The following AUTS2 variants were observed in gnomAD, a reference collection of about 807,000 sequenced individuals.
AUTS2 encodes the protein autism susceptibility gene 2 protein.
A neutral mutation model predicts 112.4 loss-of-function variants in AUTS2; 17 were observed. That is an observed-to-expected ratio of 0.15 (90% CI 0.10 to 0.23). The LOEUF is 0.23. Among genes scored for constraint, AUTS2 ranks in the 10% least tolerant of loss-of-function variants. The pLI, the probability that AUTS2 is intolerant of heterozygous loss-of-function variation, is 1.00. For synonymous variants in AUTS2, 751 were observed against 702.7 expected (o/e 1.07, Z -1.09); for missense variants, 1,510 against 1,701.6 (o/e 0.89, Z 1.98).
At position 70,618,213 on chromosome 7, in the gene AUTS2, G is replaced by A. The variant is rs112981427; in HGVS notation, c.691-80356G>A. ...GTCTGGTGACTGCTGCGCTGGTCCC[G>A]TGAGACCTGTAGAGAGGCCAAGTGG... On this transcript the variant is annotated intron_variant, in intron 5 of 18. Coordinates refer to ENST00000342771, the MANE Select transcript of AUTS2 (RefSeq NM_015570.4). 3.7e-3 allele frequency among the ~76,000 whole-genome samples: 558 copies of A among 152,338 alleles called. 2 individuals are homozygous for A. The highest frequency in any genetic ancestry group is 6.3e-3 in the Non-Finnish European group (429 of 68,038).
At chr7:69,786,109 G>T (rs958719282) in intron 1 of AUTS2, among the ~76,000 whole-genome samples, 1 of 152,178 alleles carries the variant, frequency 6.6e-6, no homozygotes, top group African/African-American at 2.4e-5. Context: ...GTTGAGTGGG[G>T]ACTTGCAAAA....
intron 5 of AUTS2, among the ~76,000 whole-genome samples, chr7:70,521,774 A>G (rs928289399): frequency 6.6e-6 from 1 of 152,070 alleles, no homozygotes; most frequent in African/African-American, 2.4e-5. Context: ...GGCGTTTGTT[A>G]TTTTAGTTTA....
chr7:70,767,523 G>A (rs1277944315), intron 9 of AUTS2, among the ~76,000 whole-genome samples: 1 of 152,070 alleles, frequency 6.6e-6, no homozygotes, highest in African/African-American at 2.4e-5. Context: ...TTATTTAGAG[G>A]GAACAATAGT....
chr7:70,763,423 G>A (rs1204644699), intron 7 of AUTS2, 82 bp downstream of exon 7: 14 of 958,590 alleles, frequency 1.5e-5, no homozygotes, highest in Non-Finnish European at 2.0e-5. Flanking sequence ...GGGATCCCTA[G>A]GGAGACTGAG....
intron 2 of AUTS2, among the ~76,000 whole-genome samples, chr7:70,025,142 A>G (rs1194207680): frequency 1.3e-5 from 2 of 152,162 alleles, no homozygotes; most frequent in African/African-American, 4.8e-5. Flanking sequence ...CAGTAATTGG[A>G]TACCTATTAT....
chr7:70,477,333 G>C (rs1301520404), intron 5 of AUTS2, among the ~76,000 whole-genome samples: 1 of 152,096 alleles, frequency 6.6e-6, no homozygotes, highest in East Asian at 1.9e-4. Flanking sequence ...AAAAAAGGCA[G>C]GCCTGCCAAA....
At chr7:69,603,116 A>G (rs1724837585) in intron 1 of AUTS2, among the ~76,000 whole-genome samples, 2 of 152,218 alleles carry the variant, frequency 1.3e-5, no homozygotes, top group South Asian at 4.1e-4. Context: ...TTTAGAAATG[A>G]AATCAGTTGT....
intron 5 of AUTS2, among the ~76,000 whole-genome samples, chr7:70,661,452 G>T (rs1373732431): frequency 6.6e-6 from 1 of 152,180 alleles, no homozygotes; most frequent in Non-Finnish European, 1.5e-5. Flanking sequence ...GGTGGGAGGA[G>T]GGTGGCAGTG....
At chr7:69,957,018 A>G (rs1584491180) in intron 2 of AUTS2, among the ~76,000 whole-genome samples, 2 of 150,818 alleles carry the variant, frequency 1.3e-5, no homozygotes, top group Non-Finnish European at 2.9e-5. Flanking sequence ...GTGGATCACC[A>G]CGCCTGACTA....
chr7:70,551,701 C>G (rs1275501231), intron 5 of AUTS2, among the ~76,000 whole-genome samples: 2 of 152,156 alleles, frequency 1.3e-5, no homozygotes, highest in Non-Finnish European at 2.9e-5. Context: ...TCTAAATAAA[C>G]TATGGACTGA....
chr7:70,734,395 G>A (rs561613592), intron 6 of AUTS2, among the ~76,000 whole-genome samples: 8 of 151,926 alleles, frequency 5.3e-5, no homozygotes, highest in East Asian at 1.9e-4. Context: ...AGCCAAGATC[G>A]CGCCACTGCA....
At chr7:70,099,555 C>A (rs889703030) in intron 2 of AUTS2, among the ~76,000 whole-genome samples, 8 of 151,538 alleles carry the variant, frequency 5.3e-5, no homozygotes, top group Admixed American at 4.6e-4. Flanking sequence ...TTTCTCCCTG[C>A]CCTAGTGACA....
intron 1 of AUTS2, among the ~76,000 whole-genome samples, chr7:69,862,993 G>C (rs560264189): frequency 6.6e-6 from 1 of 152,246 alleles, no homozygotes; most frequent in East Asian, 1.9e-4. Flanking sequence ...TTTCCGAGAC[G>C]TTTGGCTCAG....
intron 3 of AUTS2, among the ~76,000 whole-genome samples, chr7:70,128,917 CTCT>C (rs1042429629): frequency 3.3e-5 from 5 of 152,184 alleles, no homozygotes; most frequent in African/African-American, 1.2e-4. Flanking sequence ...TCATTCCAGT[CTCT>C]TCTTTAGTTT....
chr7:69,676,121 A>G (rs1268009239), intron 1 of AUTS2, among the ~76,000 whole-genome samples: 1 of 152,190 alleles, frequency 6.6e-6, no homozygotes, highest in African/African-American at 2.4e-5. Flanking sequence ...AAATATCTCC[A>G]GTTATTCAGA....
intron 4 of AUTS2, among the ~76,000 whole-genome samples, chr7:70,269,605 G>A (rs913496502): frequency 1.3e-5 from 2 of 152,138 alleles, no homozygotes; most frequent in African/African-American, 4.8e-5. Flanking sequence ...AGATAATAGC[G>A]CCTGTCTTAT....
At chr7:70,610,019 ACT>A (rs1431287861) in intron 5 of AUTS2, among the ~76,000 whole-genome samples, 1 of 151,356 alleles carries the variant, frequency 6.6e-6, no homozygotes, top group Non-Finnish European at 1.5e-5. Flanking sequence ...ACAGAATCTC[ACT>A]CTGTCGCTTA....
At chr7:69,884,281 T>A (rs1292908937) in intron 1 of AUTS2, among the ~76,000 whole-genome samples, 1 of 152,202 alleles carries the variant, frequency 6.6e-6, no homozygotes, top group Non-Finnish European at 1.5e-5. Context: ...GAGAGGACAT[T>A]TGCAGAAAGC....
At chr7:70,205,817 G>T (rs1810545598) in intron 4 of AUTS2, among the ~76,000 whole-genome samples, 1 of 152,218 alleles carries the variant, frequency 6.6e-6, no homozygotes, top group Non-Finnish European at 1.5e-5. Context: ...TTTGACCAGT[G>T]CTCTTGATCA....
Sources: gnomAD v4.1 joint callset for allele counts (sites outside exome capture counted in the v4.1 genomes callset) on GRCh38, gnomAD v4.1.1 for gene constraint, MANE v1.5 for transcripts, NCBI Gene and HGNC (gene_info 2026-07-23, HGNC 2026-07-21) for gene names.